Variants in UBR3 observed in about 807,000 individuals in gnomAD.
UBR3 encodes ubiquitin protein ligase E3 component n-recognin 3, also known as E3 ubiquitin-protein ligase UBR3.
In UBR3, 85 loss-of-function variants were observed where a neutral mutation model predicts 243.2. The observed-to-expected ratio is 0.35, with a 90% CI of 0.29 to 0.42. The LOEUF (loss-of-function observed/expected upper bound fraction) is 0.42, where lower values mean the gene tolerates loss of function less well. Ranked by LOEUF, UBR3 falls within the 10% of genes least tolerant of loss-of-function variation. The probability of loss-of-function intolerance (pLI) is 1.00; values close to 1 mark genes in which losing one functional copy is unlikely to be tolerated. For missense variants in UBR3, 1,686 were observed against 2,300.8 expected, an observed-to-expected ratio of 0.73 and a Z score of 5.47; for synonymous variants, 748 against 799.8, an observed-to-expected ratio of 0.94 and a Z score of 1.09.
intron 1 of UBR3, among the ~76,000 whole-genome samples, chr2:169,845,710 C>T (rs550467298): frequency 6.6e-6 from 1 of 151,686 alleles, no homozygotes; most frequent in African/African-American, 2.4e-5. Context: ...CTCAGCCTCC[C>T]AAGTGGCTGG....
intron 22 of UBR3, 98 bp downstream of exon 22, chr2:169,947,813 TGTG>T: frequency 8.0e-7 from 1 of 1,247,930 alleles, no homozygotes; most frequent in Non-Finnish European, 1.0e-6. Flanking sequence ...GAAAAAAAAA[TGTG>T]GTTGTAGATA....
chr2:169,913,737 A>G (rs1213459908), intron 10 of UBR3, among the ~76,000 whole-genome samples: 1 of 151,980 alleles, frequency 6.6e-6, no homozygotes, highest in Non-Finnish European at 1.5e-5. Flanking sequence ...TACCCATTAA[A>G]CAATGACATT....
chr2:170,061,775 T>C (rs1425373647), intron 35 of UBR3, among the ~76,000 whole-genome samples: 4 of 152,196 alleles, frequency 2.6e-5, no homozygotes, highest in African/African-American at 9.7e-5. Context: ...CCAAGCCTTG[T>C]TTTTATAATA....
Position 169,906,298 on chromosome 2 carries a change from T to C in UBR3, c.1779+134T>C, listed in dbSNP as rs575767590. 282 of 1,060,756 alleles carry C rather than the reference T, an allele frequency of 2.7e-4. No homozygotes were observed. In the East Asian group the frequency reaches 4.1e-3, roughly 15 times the overall value. The allele number at this position is 1,060,756 out of a possible 1,614,324, so 65.7% of individuals were successfully genotyped here. A position where few individuals can be genotyped will look rare whatever the true frequency, so the allele number is the denominator to read the frequency against. On this transcript the variant is annotated intron_variant, in intron 10 of 38. Transcript: ENST00000272793. ...GAATTCAGCTTTATGAAAACTGACCTGAGACAGTAATTTTCATTCTTAGGC... is the reference window on the plus strand; with the variant it reads ...GAATTCAGCTTTATGAAAACTGACCCGAGACAGTAATTTTCATTCTTAGGC...
At chr2:169,882,995 G>A (rs1308388077) in intron 5 of UBR3, among the ~76,000 whole-genome samples, 1 of 152,090 alleles carries the variant, frequency 6.6e-6, no homozygotes, top group African/African-American at 2.4e-5. Flanking sequence ...TGGTCTAAGT[G>A]TTCTTTCTAT....
At chr2:170,039,807 T>C (rs1373346386) in intron 31 of UBR3, among the ~76,000 whole-genome samples, 1 of 152,194 alleles carries the variant, frequency 6.6e-6, no homozygotes, top group African/African-American at 2.4e-5. Context: ...AAAAATTCTT[T>C]TAGAATAAGC....
intron 20 of UBR3, among the ~76,000 whole-genome samples, chr2:169,944,234 A>G (rs760957687): frequency 2.0e-5 from 3 of 152,170 alleles, no homozygotes; most frequent in Non-Finnish European, 4.4e-5. Flanking sequence ...AAAAATCCTT[A>G]TAAGTGAAAG....
chr2:169,949,095 T>A (rs1574266324), intron 22 of UBR3, among the ~76,000 whole-genome samples: 1 of 151,996 alleles, frequency 6.6e-6, no homozygotes, highest in African/African-American at 2.4e-5. Context: ...ACTTTAAGCA[T>A]TTATGTTAGA....
intron 1 of UBR3, among the ~76,000 whole-genome samples, chr2:169,830,874 G>T (rs943625893): frequency 1.3e-5 from 2 of 151,510 alleles, no homozygotes; most frequent in Non-Finnish European, 2.9e-5. Context: ...CTGACTTTTG[G>T]AATACAGTGG....
At chr2:169,844,999 G>A (rs1022685286) in intron 1 of UBR3, among the ~76,000 whole-genome samples, 2 of 152,126 alleles carry the variant, frequency 1.3e-5, no homozygotes, top group African/African-American at 4.8e-5. Context: ...AAGATATAAT[G>A]CAATAAATTT....
At chr2:170,054,821 T>C (rs767574394) in intron 32 of UBR3, among the ~76,000 whole-genome samples, 2 of 152,194 alleles carry the variant, frequency 1.3e-5, no homozygotes, top group African/African-American at 2.4e-5. Flanking sequence ...TTATTGAGCA[T>C]GTGAAGCCCA....
At chr2:169,837,620 G>A (rs73022454) in intron 1 of UBR3, among the ~76,000 whole-genome samples, 6,564 of 152,320 alleles carry the variant, frequency 0.043, 161 homozygotes, top group Middle Eastern at 0.068. Flanking sequence ...AGCAGCAGGG[G>A]GGGAGAAGCG....
At position 170,029,424 on chromosome 2, in the gene UBR3, C is replaced by T. The variant is rs1386176013; in HGVS notation, c.4532C>T (p.Thr1511Ile). Residue 1511 changes from threonine to isoleucine, a missense_variant, in exon 31 of 39, where the codon ACC (threonine) becomes ATC (isoleucine). This residue lies in a region of UBR3 where 371 missense variants were observed against 422.5 expected (regional missense o/e 0.88). Coordinates refer to ENST00000272793, the MANE Select transcript of UBR3 (RefSeq NM_172070.4). ...GAGTATAATCCCTGGAGAAAGCTCA[C>T]CCAGTTAGAAGAGATGAATCCACAG... Reference protein sequence around the residue: ...DSEYNPWRKLTQLEEMNPQLG... With the variant: ...DSEYNPWRKLIQLEEMNPQLG... The T allele has an allele frequency of 1.2e-6, 2 of 1,610,708 alleles. No homozygotes were observed. Among genetic ancestry groups the T allele is most frequent in the Non-Finnish European group, 1.7e-6 (2 of 1,178,290 alleles).
chr2:169,864,905 T>TC (rs1559035519), intron 1 of UBR3, among the ~76,000 whole-genome samples: 1 of 79,318 alleles, frequency 1.3e-5, no homozygotes, highest in African/African-American at 5.6e-5. Context: ...AGACTCCGTC[T>TC]CAAAAAAAAA....
At chr2:169,878,234 G>C (rs966361339) in intron 4 of UBR3, among the ~76,000 whole-genome samples, 2 of 152,032 alleles carry the variant, frequency 1.3e-5, no homozygotes, top group African/African-American at 4.8e-5. Context: ...GCTGGCAGGC[G>C]CCTGTAAGCC....
intron 24 of UBR3, among the ~76,000 whole-genome samples, chr2:169,977,189 G>A (rs192299597): frequency 1.7e-4 from 26 of 151,750 alleles, no homozygotes; most frequent in South Asian, 1.5e-3. Context: ...CTTAAAATTC[G>A]TCTTTTGAAT....
Position 169,883,783 on chromosome 2 carries a change from A to G in UBR3, c.1038+5209A>G, listed in dbSNP as rs574125668. On this transcript the variant is annotated intron_variant, in intron 5 of 38. Coordinates refer to ENST00000272793, the MANE Select transcript of UBR3 (RefSeq NM_172070.4). ...GAAAATCAAAGCTTTCCTTAAGTATAGTAGTTACTATTGTACATCAAGAGA... is the reference window on the plus strand; with the variant it reads ...GAAAATCAAAGCTTTCCTTAAGTATGGTAGTTACTATTGTACATCAAGAGA... Among the ~76,000 whole-genome samples, 6 of 152,356 alleles carry G rather than the reference A, an allele frequency of 3.9e-5. No individual in the cohort carries two copies. The South Asian group carries it at 6.2e-4, about 16-fold the overall frequency.
At chr2:170,028,531 T>C (rs1056619636) in intron 30 of UBR3, among the ~76,000 whole-genome samples, 3 of 151,812 alleles carry the variant, frequency 2.0e-5, no homozygotes, top group East Asian at 1.9e-4. Flanking sequence ...TTTCCAAATA[T>C]GTATGTGTGG....
chr2:170,000,469 T>C (rs73017691), intron 26 of UBR3, among the ~76,000 whole-genome samples: 14,501 of 152,240 alleles, frequency 0.095, 836 homozygotes, highest in African/African-American at 0.16. Context: ...TCCATATGAT[T>C]TGGGAACTGA....
Sources: allele counts gnomAD v4.1 joint callset (sites outside exome capture counted in the v4.1 genomes callset), GRCh38; gene constraint gnomAD v4.1.1; regional missense constraint gnomAD v4.1.1; transcripts MANE v1.5; gene names NCBI Gene and HGNC (gene_info 2026-07-23, HGNC 2026-07-21).